USP25: variants seen among roughly 807,000 people sequenced by gnomAD.
USP25 encodes the protein ubiquitin carboxyl-terminal hydrolase 25.
In USP25, 85 loss-of-function variants were observed where a neutral mutation model predicts 158.5. The observed-to-expected ratio is 0.54, with a 90% CI of 0.45 to 0.64. The LOEUF (loss-of-function observed/expected upper bound fraction) is 0.64. USP25 is among the 30% of genes least tolerant of loss of function. The probability of loss-of-function intolerance (pLI) is 0.00; values close to 1 mark genes in which losing one functional copy is unlikely to be tolerated. For synonymous variants in USP25, 464 were observed against 460.4 expected, an observed-to-expected ratio of 1.01 and a Z score of -0.10; for missense variants, 1,242 against 1,327.3, an observed-to-expected ratio of 0.94 and a Z score of 1.00.
intron 20 of USP25, among the ~76,000 whole-genome samples, chr21:15,858,183 T>C (rs1274412443): frequency 2.0e-5 from 3 of 152,088 alleles, no homozygotes; most frequent in African/African-American, 7.2e-5. Flanking sequence ...GCAAGCCTCA[T>C]TTTTCTTCTG....
At chr21:15,846,156 ATATT>A (rs2038600548) in intron 18 of USP25, among the ~76,000 whole-genome samples, 2 of 18,540 alleles carry the variant, frequency 1.1e-4, no homozygotes, top group African/African-American at 5.4e-4. Flanking sequence ...ATATATATAT[ATATT>A]TTTTTTTTTT....
chr21:15,775,739 ACCCCCCC>A, intron 3 of USP25, among the ~76,000 whole-genome samples: 1 of 14,052 alleles, frequency 7.1e-5, no homozygotes, highest in East Asian at 2.8e-3. Context: ...AATGGTTGCC[ACCCCCCC>A]CCCCCCCCGC....
intron 1 of USP25, among the ~76,000 whole-genome samples, chr21:15,738,211 G>T (rs773526310): frequency 1.3e-4 from 19 of 151,974 alleles, no homozygotes; most frequent in Non-Finnish European, 2.4e-4. Flanking sequence ...GTTCATTGTT[G>T]TTGCTTTAAA....
At chr21:15,867,391 G>GA (rs752818770) in intron 22 of USP25, among the ~76,000 whole-genome samples, 9 of 151,932 alleles carry the variant, frequency 5.9e-5, no homozygotes, top group Non-Finnish European at 1.2e-4. Context: ...CATTATTGAT[G>GA]AAAACCTTAG....
chr21:15,733,278 T>C (rs1305249643), intron 1 of USP25, among the ~76,000 whole-genome samples: 3 of 151,892 alleles, frequency 2.0e-5, no homozygotes, highest in African/African-American at 7.3e-5. Flanking sequence ...AAATGTATCC[T>C]TCTGAGTTGA....
intron 2 of USP25, among the ~76,000 whole-genome samples, chr21:15,763,228 G>C (rs2033841665): frequency 6.6e-6 from 1 of 152,094 alleles, no homozygotes. Flanking sequence ...CAAGATAGTG[G>C]GATGTGAATC....
In USP25 at chr21:15,879,698, T is replaced by C. The variant is rs986876938; in HGVS notation, c.*1223T>C. On this transcript the variant is annotated 3_prime_UTR_variant, in exon 26 of 26. Transcript: ENST00000400183. ...ATGATGTTTTGTGAACATAGTAAAA[T>C]AGACCATTATACTATGTGTATGTTT... 3 of 152,578 alleles carry C rather than the reference T, an allele frequency of 2.0e-5. No homozygotes were observed. The highest frequency in any genetic ancestry group is 2.0e-4 in the Admixed American group (3 of 15,268). The allele number at this position is 152,578 out of a possible 1,614,324, so 9.5% of individuals were successfully genotyped here. A position where few individuals can be genotyped will look rare whatever the true frequency, so the allele number is the denominator to read the frequency against.
chr21:15,750,381 C>T (rs185325125), intron 1 of USP25, among the ~76,000 whole-genome samples: 66 of 151,728 alleles, frequency 4.3e-4, no homozygotes, highest in African/African-American at 1.5e-3. Context: ...AGGTGCATGC[C>T]ACCGCGCCTG....
Position 15,875,836 on chromosome 21 carries a change from G to C in USP25, c.3009+1310G>C, listed in dbSNP as rs2040076251. ...GACATTCAAATGAGTTTGCACCAGTGTAAGTTTGATTAGGTTTGGCATAAT... is the reference window on the plus strand; with the variant it reads ...GACATTCAAATGAGTTTGCACCAGTCTAAGTTTGATTAGGTTTGGCATAAT... On this transcript the variant is annotated intron_variant, in intron 24 of 25. Coordinates refer to ENST00000400183, the MANE Select transcript of USP25 (RefSeq NM_001283041.3). This position sits in a 1 kb window ranked among gnomAD's most constrained non-coding sequence, Gnocchi z 4.7. Among the ~76,000 whole-genome samples, 1 of 152,170 alleles carries C rather than the reference G, an allele frequency of 6.6e-6. No homozygotes were observed. Among genetic ancestry groups the C allele is most frequent in the African/African-American group, 2.4e-5 (1 of 41,428 alleles).
chr21:15,859,223 C>T (rs1312126907), intron 20 of USP25, among the ~76,000 whole-genome samples: 3 of 149,158 alleles, frequency 2.0e-5, no homozygotes, highest in Non-Finnish European at 4.4e-5. Context: ...GACGGGGTCT[C>T]GCTCTGTCGC....
At chr21:15,850,002 G>A (rs923365405) in intron 20 of USP25, 130 bp downstream of exon 20, 2 of 617,040 alleles carry the variant, frequency 3.2e-6, no homozygotes, top group Non-Finnish European at 5.3e-6. Flanking sequence ...ATGGCCACCG[G>A]ATATCCTAGG....
At chr21:15,785,199 G>A (rs2035203240) in intron 4 of USP25, among the ~76,000 whole-genome samples, 1 of 151,542 alleles carries the variant, frequency 6.6e-6, no homozygotes, top group African/African-American at 2.4e-5. Flanking sequence ...TCACCAAGAA[G>A]CAAAACTGTA....
rs1239231263 is a variant in USP25, at chr21:15,827,102, T to C, written c.1592T>C (p.Leu531Ser). 13 of 1,614,060 alleles carry C rather than the reference T, an allele frequency of 8.1e-6. No individual in the cohort carries two copies. The highest frequency in any genetic ancestry group is 1.1e-5 in the Non-Finnish European group (13 of 1,180,034). Residue 531 changes from leucine (L) to serine (S), a missense_variant, in exon 14 of 26, where the codon TTG becomes TCG. Physicochemically the swap from Leu to Ser is moderately radical, Grantham distance 145. Coordinates refer to ENST00000400183, the MANE Select transcript of USP25 (RefSeq NM_001283041.3). Reference protein sequence around the residue: ...PFTQSRIPPDLPMHPAPRHIT... With the variant: ...PFTQSRIPPDSPMHPAPRHIT... ...ACTCAGTCCCGGATACCTCCAGATT[T>C]GCCCATGCATCCGGCACCAAGGCAC...
chr21:15,842,501 T>G lies in USP25; in HGVS notation c.2298T>G (p.His766Gln), dbSNP rs896111093. The G allele has an allele frequency of 1.9e-6, 3 of 1,613,618 alleles. No individual in the cohort carries two copies. Among genetic ancestry groups the G allele is most frequent in the Non-Finnish European group, 2.5e-6 (3 of 1,179,738 alleles). The change falls in exon 18 of 26, where the codon CAT becomes CAG. Residue 766 changes from histidine (H) to glutamine (Q), a missense_variant. His to Gln is a conservative substitution (Grantham distance 24, BLOSUM62 0). Transcript: ENST00000400183. Reference sequence around the variant, plus strand: ...TTCAAATAATTACCAAGGCATCACATGAGCATGAAGATAAAAGTCCTGAAA... The same window carrying G: ...TTCAAATAATTACCAAGGCATCACAGGAGCATGAAGATAAAAGTCCTGAAA... The part of the protein sequence containing the change: ...ETIQIITKAS[H>Q]EHEDKSPETV...
intron 5 of USP25, among the ~76,000 whole-genome samples, chr21:15,794,870 A>G (rs186466176): frequency 1.6e-4 from 25 of 151,750 alleles, no homozygotes; most frequent in Non-Finnish European, 2.8e-4. Flanking sequence ...TATTGCATGA[A>G]TGGATGAATG....
intron 9 of USP25, 118 bp downstream of exon 9, chr21:15,811,328 G>A (rs2036652318): frequency 1.1e-6 from 1 of 910,676 alleles, no homozygotes; most frequent in Non-Finnish European, 1.6e-6. Context: ...ATTCTGTCTA[G>A]TAATTTTTGT....
chr21:15,802,037 CCT>C (rs1198119650), intron 6 of USP25, among the ~76,000 whole-genome samples: 3 of 151,460 alleles, frequency 2.0e-5, no homozygotes, highest in Admixed American at 2.0e-4. Context: ...TCCCCTCTCC[CCT>C]CACACAGATA....
chr21:15,796,331 C>G (rs2035860251), intron 5 of USP25, among the ~76,000 whole-genome samples: 1 of 151,352 alleles, frequency 6.6e-6, no homozygotes, highest in Non-Finnish European at 1.5e-5. Flanking sequence ...AGACCATCTG[C>G]CTTGTGATGT....
At chr21:15,763,925 A>G (rs2033885319) in intron 2 of USP25, among the ~76,000 whole-genome samples, 1 of 152,180 alleles carries the variant, frequency 6.6e-6, no homozygotes, top group Middle Eastern at 3.2e-3. Context: ...GAGAGGTTAA[A>G]GTAACTTGCC....
Sources: allele counts gnomAD v4.1 joint callset (sites outside exome capture counted in the v4.1 genomes callset), GRCh38; gene constraint gnomAD v4.1.1; non-coding constraint Gnocchi (gnomAD v3.1); transcripts MANE v1.5; gene names NCBI Gene and HGNC (gene_info 2026-07-23, HGNC 2026-07-21).